The following PSMD3 variants were observed in gnomAD, a reference collection of about 807,000 sequenced individuals.
The protein encoded by PSMD3 is proteasome 26S subunit, non-ATPase 3.
Under a neutral mutation model 62.8 loss-of-function variants are expected in PSMD3, and 5 were observed. The observed-to-expected ratio is 0.08, with a 90% confidence interval of 0.04 to 0.17. The LOEUF is 0.17. PSMD3 is among the 10% of genes least tolerant of loss of function. The probability of loss-of-function intolerance (pLI) is 1.00; values close to 1 mark genes in which losing one functional copy is unlikely to be tolerated. For missense variants in PSMD3, 524 were observed against 713.6 expected, an observed-to-expected ratio of 0.73 and a Z score of 3.03; for synonymous variants, 265 against 283.9, an observed-to-expected ratio of 0.93 and a Z score of 0.67.
At chr17:39,997,272 CG>C (rs1453933847) in intron 10 of PSMD3, 57 bp from the exon 11 acceptor site, 44 of 1,554,916 alleles carry the variant, frequency 2.8e-5, no homozygotes, top group Non-Finnish European at 3.4e-5. Flanking sequence ...GTGCAGGTTG[CG>C]TGAGTGCCTC....
chr17:39,991,107 T>C (rs2144813297), intron 6 of PSMD3, among the ~76,000 whole-genome samples: 1 of 152,278 alleles, frequency 6.6e-6, no homozygotes. Flanking sequence ...GCTTCCTCAG[T>C]AGCTGGGCAG....
intron 1 of PSMD3, among the ~76,000 whole-genome samples, chr17:39,983,734 T>G (rs1598311183): frequency 6.6e-6 from 1 of 152,184 alleles, no homozygotes; most frequent in African/African-American, 2.4e-5. Context: ...GTTAATTGGT[T>G]TTTCTTTTCT....
At chr17:39,984,198 T>TC in intron 1 of PSMD3, 96 bp from the exon 2 acceptor site, 1 of 629,602 alleles carries the variant, frequency 1.6e-6, no homozygotes, top group East Asian at 3.5e-5. Flanking sequence ...AGACTCCGTC[T>TC]CAAAAAAAAA....
At chr17:39,985,907 T>C (rs1980514798) in intron 2 of PSMD3, among the ~76,000 whole-genome samples, 1 of 152,232 alleles carries the variant, frequency 6.6e-6, no homozygotes, top group South Asian at 2.1e-4. Flanking sequence ...TCTAGAATTA[T>C]TTCGTTCAGC....
At chr17:39,994,835 TAA>T in intron 6 of PSMD3, 117 bp from the exon 7 acceptor site, 1 of 845,832 alleles carries the variant, frequency 1.2e-6, no homozygotes, top group African/African-American at 1.7e-5. Context: ...TCTCTGGGCC[TAA>T]ACAGTGATCC....
At chr17:39,991,120 G>A (rs554758515) in intron 6 of PSMD3, among the ~76,000 whole-genome samples, 8 of 152,080 alleles carry the variant, frequency 5.3e-5, no homozygotes, top group African/African-American at 1.4e-4. Context: ...CTGGGCAGGC[G>A]CCTGCCACCA....
At chr17:39,984,027 G>T (rs368541011) in intron 1 of PSMD3, among the ~76,000 whole-genome samples, 8 of 152,012 alleles carry the variant, frequency 5.3e-5, no homozygotes, top group Admixed American at 3.9e-4. Flanking sequence ...GTGAAACCCC[G>T]TCTCTACTAA....
chr17:39,997,350 A>G lies in PSMD3; in HGVS notation c.1497A>G (p.Lys499=), dbSNP rs761122507. 1.9e-6 allele frequency: 3 copies of G among 1,614,126 alleles called. No homozygotes were observed. Among genetic ancestry groups the G allele is most frequent in the South Asian group, 2.2e-5 (2 of 91,088 alleles). ...CCCAGGCCATGAGGTTTCCTCCCAA[A>G]TCGTACAACAAGGACTTGGAGTCTG... The part of the protein sequence containing the change: ...MSVKAMRFPP[K]SYNKDLESAE... Residue 499 remains lysine, a synonymous_variant, in exon 11 of 12, where the codon AAA becomes AAG. Coordinates refer to ENST00000264639, the MANE Select transcript of PSMD3 (RefSeq NM_002809.4).
chr17:39,991,673 C>A (rs1370112948), intron 6 of PSMD3, among the ~76,000 whole-genome samples: 2 of 152,122 alleles, frequency 1.3e-5, no homozygotes, highest in African/African-American at 4.8e-5. Flanking sequence ...GTAGGAGATT[C>A]ATTTTATTTC....
chr17:39,997,683 T>TA lies in PSMD3; in HGVS notation c.*103dup. Reference sequence around the variant, plus strand: ...TCCCCATTTTCCCACACACAGCTCATATGCTGCATTCGTGCAGGGGGTGGG... The same window carrying TA: ...TCCCCATTTTCCCACACACAGCTCATAATGCTGCATTCGTGCAGGGGGTGGG... On this transcript the variant is annotated 3_prime_UTR_variant, in exon 12 of 12. Coordinates refer to ENST00000264639, the MANE Select transcript of PSMD3 (RefSeq NM_002809.4). 1 of 1,346,170 alleles carries TA rather than the reference T, an allele frequency of 7.4e-7. No individual in the cohort carries two copies. Among genetic ancestry groups the TA allele is most frequent in the Non-Finnish European group, 1.0e-6 (1 of 962,478 alleles). 83.4% of individuals were successfully genotyped at this position (1,346,170 alleles called of 1,614,324 possible).
At chr17:39,981,882 T>C (rs1980394256) in intron 1 of PSMD3, among the ~76,000 whole-genome samples, 1 of 152,202 alleles carries the variant, frequency 6.6e-6, no homozygotes, top group South Asian at 2.1e-4. Flanking sequence ...CGGTGTCTCC[T>C]ATTTCTTTTC....
intron 4 of PSMD3, 84 bp from the exon 5 acceptor site, chr17:39,989,655 A>G: frequency 7.6e-7 from 1 of 1,309,568 alleles, no homozygotes; most frequent in Non-Finnish European, 1.1e-6. Flanking sequence ...AACTTTTTTA[A>G]GGAATTGAGA....
chr17:39,994,790 C>T (rs1031525249), intron 6 of PSMD3, 164 bp from the exon 7 acceptor site: 9 of 631,138 alleles, frequency 1.4e-5, no homozygotes, highest in African/African-American at 9.2e-5. Flanking sequence ...AGCTTGGATT[C>T]TATGCCCAGC....
Position 39,996,288 on chromosome 17 carries a change from T to C in PSMD3, c.1426T>C (p.Phe476Leu). ...TTCCACCCGAGAGCCCCAGCTAGCC[T>C]TCCACCAGCGCATCTCCTTCTGCCT... is the stretch of plus-strand genomic sequence containing the variant. ...IYSTREPQLAFHQRISFCLDI... is the reference protein window; with the variant it reads ...IYSTREPQLALHQRISFCLDI... Residue 476 changes from phenylalanine (F) to leucine (L), a missense_variant, in exon 10 of 12, where the codon TTC becomes CTC. Physicochemically the swap from Phe to Leu is conservative, Grantham distance 22 (BLOSUM62 0). Coordinates refer to ENST00000264639, the MANE Select transcript of PSMD3 (RefSeq NM_002809.4). This position sits in a 1 kb window ranked among gnomAD's most constrained non-coding sequence, Gnocchi z 5.1. The C allele has an allele frequency of 6.2e-7, 1 of 1,614,014 alleles. No homozygotes were observed.
At position 39,997,500 on chromosome 17, in the gene PSMD3, C is replaced by G. The variant is rs751230637; in HGVS notation, c.1528-4C>G. Reference sequence around the variant, plus strand: ...GCTTTGGCCTCACTTGCCTCTCTCCCCAGGAACGGCGTGAGCGAGAACAGC... The same window carrying G: ...GCTTTGGCCTCACTTGCCTCTCTCCGCAGGAACGGCGTGAGCGAGAACAGC... On this transcript the variant is annotated splice_region_variant and splice_polypyrimidine_tract_variant and intron_variant, in intron 11 of 11. Coordinates refer to ENST00000264639, the MANE Select transcript of PSMD3 (RefSeq NM_002809.4). 6.2e-7 allele frequency: 1 copy of G among 1,614,180 alleles called. No individual in the cohort carries two copies. The highest frequency in any genetic ancestry group is 1.3e-5 in the African/African-American group (1 of 75,058).
In PSMD3 at chr17:39,997,622, T is replaced by A. The variant is rs7021; in HGVS notation, c.*41T>A. On this transcript the variant is annotated 3_prime_UTR_variant, in exon 12 of 12. Coordinates refer to ENST00000264639, the MANE Select transcript of PSMD3 (RefSeq NM_002809.4). ...AGGGGTAGGGGGAATGGGGACAGGC[T>A]CTTTCCCCCTTGGGGGTCCCCTGCC... is the stretch of plus-strand genomic sequence containing the variant. 0.36 allele frequency: 524,648 copies of A among 1,468,704 alleles called. 102,174 individuals carry two copies. Among genetic ancestry groups the A allele is most frequent in the East Asian group, 0.49 (21,300 of 43,780 alleles). 91.0% of individuals were successfully genotyped at this position (1,468,704 alleles called of 1,614,324 possible).
rs372144959 is a variant in PSMD3 at position 39,995,153 on chromosome 17, A to G, written c.1097-23A>G. 175 of 1,613,874 alleles carry G rather than the reference A, an allele frequency of 1.1e-4. No individual in the cohort carries two copies. The Admixed American group carries it at 1.6e-3, about 15-fold the overall frequency. On this transcript the variant is annotated intron_variant, in intron 7 of 11. Coordinates refer to ENST00000264639, the MANE Select transcript of PSMD3 (RefSeq NM_002809.4). This position sits in a 1 kb window ranked among gnomAD's most constrained non-coding sequence, Gnocchi z 4.1. ...TGCCTGTGCCTATTTGCATCATCCA[A>G]TCTACTCCTGTTCTGCCTGCAGCTG...
In PSMD3 at chr17:39,995,457, T is replaced by C. The variant is rs1334470492; in HGVS notation, c.1250T>C (p.Ile417Thr). 1 of 1,614,012 alleles carries C rather than the reference T, an allele frequency of 6.2e-7. No individual in the cohort carries two copies. Among genetic ancestry groups the C allele is most frequent in the African/African-American group, 1.3e-5 (1 of 74,984 alleles). ...VRMISLSYSR[I>T]SLADIAQKLQ... ...ATGATCAGCCTCTCCTATTCCCGAA[T>C]CTCCTTGGCTGACATCGCCCAGAAG... Residue 417 changes from isoleucine (I) to threonine (T), a missense_variant, in exon 9 of 12, where the codon ATC becomes ACC. Around this residue, in one of 4 missense-constraint regions of PSMD3, gnomAD observed 76 missense variants for 97.3 expected, o/e 0.78. Transcript: ENST00000264639. This position sits in a 1 kb window ranked among gnomAD's most constrained non-coding sequence, Gnocchi z 4.1.
rs1482042387 is a variant in PSMD3 at position 39,984,370 on chromosome 17, G to C, written c.297G>C (p.Arg99=). 3.7e-6 allele frequency: 6 copies of C among 1,613,830 alleles called. No homozygotes were observed. Among genetic ancestry groups the C allele is most frequent in the Non-Finnish European group, 5.1e-6 (6 of 1,180,028 alleles). ...CGAGATTCGTGCTGCGGGCCCTGCG[G>C]ATGCTGCCTTCCACATCACGCCGCC... ...KEPRFVLRAL[R]MLPSTSRRLN... The change falls in exon 2 of 12, where the codon CGG becomes CGC. Residue 99 remains arginine (R), a synonymous_variant. Coordinates refer to ENST00000264639, the MANE Select transcript of PSMD3 (RefSeq NM_002809.4).
Sources: gnomAD v4.1 joint callset for allele counts (sites outside exome capture counted in the v4.1 genomes callset) on GRCh38, gnomAD v4.1.1 for gene constraint, gnomAD v4.1.1 regional missense constraint, Gnocchi (gnomAD v3.1) non-coding constraint, MANE v1.5 for transcripts, NCBI Gene and HGNC (gene_info 2026-07-23, HGNC 2026-07-21) for gene names.